Variants in ETV5 observed in about 807,000 individuals in gnomAD.
ETV5 encodes ETS translocation variant 5.
In ETV5, 10 loss-of-function variants were observed where a neutral mutation model predicts 70.0. That is an observed-to-expected ratio of 0.14 (90% confidence interval 0.09 to 0.24). ETV5 has a LOEUF of 0.24. Ranked by LOEUF, ETV5 falls within the 10% of genes least tolerant of loss-of-function variation. ETV5 has a pLI of 1.00. For synonymous variants in ETV5, 216 were observed against 242.2 expected (o/e 0.89, Z 1.01); for missense variants, 453 against 651.2 (o/e 0.70, Z 3.31).
At chr3:186,073,253 C>T (rs1713688863) in intron 7 of ETV5, among the ~76,000 whole-genome samples, 1 of 152,232 alleles carries the variant, frequency 6.6e-6, no homozygotes, top group African/African-American at 2.4e-5. Context: ...GCGATACCTA[C>T]ATCATTTAAG....
rs146875211 is a variant in ETV5 at position 186,065,895 on chromosome 3, C to A, written c.828G>T (p.Pro276=). 25 of 1,613,704 alleles carry A rather than the reference C, an allele frequency of 1.5e-5. No homozygotes were observed. The Admixed American group carries it at 1.7e-4, about 11-fold the overall frequency. Residue 276 remains proline (P), a synonymous_variant, in exon 8 of 13, where the codon CCG becomes CCT. Transcript: ENST00000306376. ...CGTGTGCTGGGGGCCCTGGCATGCC[C>A]GGGACCCCATGTTCATAGAGTGGGT... ...YHDPLYEHGV[P]GMPGPPAHGF... is the part of the protein sequence containing the mutation.
chr3:186,057,216 A>G lies in ETV5; in HGVS notation c.1068T>C (p.Tyr356=), dbSNP rs2150142351. ...GCCTCTGGTAAGGGGGCCCCTCTCG[A>G]TACATGGTAGGCTCCTGTTTGACTT... The part of the protein sequence containing the change: ...EGKVKQEPTM[Y]REGPPYQRRG... The change falls in exon 11 of 13, where the codon TAT becomes TAC. Residue 356 remains tyrosine, a synonymous_variant. Coordinates refer to ENST00000306376, the MANE Select transcript of ETV5 (RefSeq NM_004454.3). This position sits in a 1 kb window ranked among gnomAD's most constrained non-coding sequence, Gnocchi z 4.9. 6.2e-7 allele frequency: 1 copy of G among 1,614,156 alleles called. No homozygotes were observed. Among genetic ancestry groups the G allele is most frequent in the African/African-American group, 1.3e-5 (1 of 75,034 alleles).
chr3:186,092,510 T>G (rs1714205066), intron 5 of ETV5, among the ~76,000 whole-genome samples: 2 of 152,142 alleles, frequency 1.3e-5, no homozygotes, highest in Admixed American at 1.3e-4. Context: ...CATAGCTCAC[T>G]GTAGTCTCAA....
chr3:186,093,648 A>AG (rs1240637623), intron 5 of ETV5, among the ~76,000 whole-genome samples: 1 of 152,236 alleles, frequency 6.6e-6, no homozygotes, highest in Non-Finnish European at 1.5e-5. Flanking sequence ...TGTAACCCAC[A>AG]GGTTGGACAG....
At chr3:186,100,916 G>T (rs1380959881) in intron 5 of ETV5, among the ~76,000 whole-genome samples, 3 of 152,144 alleles carry the variant, frequency 2.0e-5, no homozygotes, top group Non-Finnish European at 4.4e-5. Flanking sequence ...GACCCAAAAT[G>T]TATATTTAAA....
chr3:186,058,815 A>T (rs1225552744), intron 9 of ETV5, among the ~76,000 whole-genome samples: 1 of 152,070 alleles, frequency 6.6e-6, no homozygotes, highest in Non-Finnish European at 1.5e-5. Flanking sequence ...GGAGTTCGAG[A>T]CCAGCCTGGC....
chr3:186,069,938 C>T (rs1713560339), intron 7 of ETV5, among the ~76,000 whole-genome samples: 1 of 152,130 alleles, frequency 6.6e-6, no homozygotes, highest in South Asian at 2.1e-4. Context: ...TCTCAAGTAG[C>T]TAGGATTACA....
At chr3:186,082,265 G>T (rs1560052178) in intron 5 of ETV5, among the ~76,000 whole-genome samples, 1 of 152,148 alleles carries the variant, frequency 6.6e-6, no homozygotes, top group Non-Finnish European at 1.5e-5. Flanking sequence ...CTGGCCACTG[G>T]CCACTGTATC....
At position 186,065,916 on chromosome 3, in the gene ETV5, T is replaced by C. The variant is rs778287918; in HGVS notation, c.807A>G (p.Pro269=). Residue 269 remains proline (P), a synonymous_variant, in exon 8 of 13, where the codon CCA becomes CCG. Transcript: ENST00000306376. ...TGCCCGGGACCCCATGTTCATAGAG[T>C]GGGTCATGGTATTCTTGTTTGAATC... ...PQGFKQEYHD[P]LYEHGVPGMP... The C allele has an allele frequency of 3.1e-6, 5 of 1,613,012 alleles. No homozygotes were observed. Among genetic ancestry groups the C allele is most frequent in the Non-Finnish European group, 4.2e-6 (5 of 1,179,702 alleles).
chr3:186,047,197 G>GA lies in ETV5; in HGVS notation c.*1441dup, dbSNP rs1434382079. The GA allele has an allele frequency of 4.4e-6, 1 of 228,672 alleles. No homozygotes were observed. Among genetic ancestry groups the GA allele is most frequent in the Admixed American group, 5.7e-5 (1 of 17,566 alleles). 14.2% of individuals were successfully genotyped at this position (228,672 alleles called of 1,614,324 possible). On this transcript the variant is annotated 3_prime_UTR_variant, in exon 13 of 13. Transcript: ENST00000306376. ...CCACCAGTAACTTTTCCTCTACTTTGAGCTCAACTTTCACATAGCTTTAGC... is the reference window on the plus strand; with the variant it reads ...CCACCAGTAACTTTTCCTCTACTTTGAAGCTCAACTTTCACATAGCTTTAGC...
At position 186,079,981 on chromosome 3, in the gene ETV5, A is replaced by C. The variant is rs200984903; in HGVS notation, c.486T>G (p.His162Gln). The C allele has an allele frequency of 4.1e-4, 654 of 1,586,994 alleles. 2 individuals are homozygous for C. The highest frequency in any genetic ancestry group is 4.0e-4 in the Non-Finnish European group (463 of 1,169,526). ...PPQATLPTSGHAPAAGPVQGV... is the reference protein window; with the variant it reads ...PPQATLPTSGQAPAAGPVQGV... Reference sequence around the variant, plus strand: ...CTTGAACTGGGCCAGCTGCAGGGGCATGCCCTGAGGTGGGCAGAGTTGCCT... The same window carrying C: ...CTTGAACTGGGCCAGCTGCAGGGGCCTGCCCTGAGGTGGGCAGAGTTGCCT... The change falls in exon 7 of 13, where the codon CAT becomes CAG. Residue 162 changes from histidine to glutamine, a missense_variant. By Grantham distance (24) the His-to-Gln change is conservative. Transcript: ENST00000306376.
At chr3:186,101,647 T>G (rs1240038257) in intron 5 of ETV5, among the ~76,000 whole-genome samples, 1 of 152,196 alleles carries the variant, frequency 6.6e-6, no homozygotes, top group Non-Finnish European at 1.5e-5. Context: ...ATGGAGACCC[T>G]GAATACACTT....
intron 9 of ETV5, among the ~76,000 whole-genome samples, chr3:186,058,553 G>A (rs1417290239): frequency 4.6e-5 from 7 of 152,146 alleles, no homozygotes; most frequent in Admixed American, 4.6e-4. Context: ...TGCAATGAAG[G>A]ACTTCCATTA....
At position 186,046,454 on chromosome 3, in the gene ETV5, T is replaced by G. The variant is rs1310895016; in HGVS notation, c.*2185A>C. On this transcript the variant is annotated 3_prime_UTR_variant, in exon 13 of 13. Transcript: ENST00000306376. ...TCAAGCCTTTCTGCACTGTAGACTTTCCACACTCTGGAAAAGAAGCAAACA... is the reference window on the plus strand; with the variant it reads ...TCAAGCCTTTCTGCACTGTAGACTTGCCACACTCTGGAAAAGAAGCAAACA... 1.3e-5 allele frequency: 3 copies of G among 230,834 alleles called. No individual in the cohort carries two copies. Among genetic ancestry groups the G allele is most frequent in the African/African-American group, 6.7e-5 (3 of 45,112 alleles). The allele number at this position is 230,834 out of a possible 1,614,324, so 14.3% of individuals were successfully genotyped here. A position where few individuals can be genotyped will look rare whatever the true frequency, so the allele number is the denominator to read the frequency against.
In ETV5 at chr3:186,064,477, C is replaced by T; in HGVS notation, c.911-1G>A. The stretch of plus-strand genomic sequence containing the variant: ...TAGGATGACTGGCAGTTAGGCACTT[C>T]TGAAAGGAAAGCAAAGGTGGACACA... On this transcript the variant is annotated splice_acceptor_variant, in intron 8 of 12. Transcript: ENST00000306376. LOFTEE classifies it high-confidence loss of function. 6.2e-7 allele frequency: 1 copy of T among 1,614,158 alleles called. No homozygotes were observed. Among genetic ancestry groups the T allele is most frequent in the Non-Finnish European group, 8.5e-7 (1 of 1,180,016 alleles).
intron 7 of ETV5, among the ~76,000 whole-genome samples, chr3:186,069,713 T>C (rs1215566356): frequency 1.3e-5 from 2 of 152,124 alleles, no homozygotes; most frequent in African/African-American, 4.8e-5. Context: ...GCCAGGCTGG[T>C]CTTGAACTCC....
intron 5 of ETV5, among the ~76,000 whole-genome samples, chr3:186,084,533 C>T (rs1364066250): frequency 1.3e-5 from 2 of 152,106 alleles, no homozygotes; most frequent in East Asian, 1.9e-4. Context: ...TTCTGGATGT[C>T]GGGGGCCTAT....
intron 7 of ETV5, among the ~76,000 whole-genome samples, chr3:186,077,294 C>T (rs1713819836): frequency 6.6e-6 from 1 of 152,166 alleles, no homozygotes; most frequent in Non-Finnish European, 1.5e-5. Flanking sequence ...CCTATAGTCA[C>T]CAATAAAAGT....
intron 5 of ETV5, among the ~76,000 whole-genome samples, chr3:186,092,917 C>A (rs1714216726): frequency 6.6e-6 from 1 of 152,174 alleles, no homozygotes; most frequent in Admixed American, 6.5e-5. Context: ...ATGTACTGGG[C>A]TTGTAGAACA....
Sources: gnomAD v4.1 joint callset for allele counts (sites outside exome capture counted in the v4.1 genomes callset) on GRCh38, gnomAD v4.1.1 for gene constraint, Gnocchi (gnomAD v3.1) non-coding constraint, MANE v1.5 for transcripts, NCBI Gene and HGNC (gene_info 2026-07-23, HGNC 2026-07-21) for gene names.